ANKS1B: variants seen among roughly 807,000 people sequenced by gnomAD.
The protein encoded by ANKS1B is ankyrin repeat and sterile alpha motif domain-containing protein 1B.
ANKS1B carries 36 observed loss-of-function variants against 148.3 expected under a neutral mutation model. That is an observed-to-expected ratio of 0.24 (90% CI 0.19 to 0.32). The LOEUF is 0.32. Ranked by LOEUF, ANKS1B falls within the 10% of genes least tolerant of loss-of-function variation. The probability of loss-of-function intolerance (pLI) is 1.00; values close to 1 mark genes in which losing one functional copy is unlikely to be tolerated. For missense variants in ANKS1B, 1,157 were observed against 1,542.6 expected (o/e 0.75, Z 4.19); for synonymous variants, 542 against 560.8 (o/e 0.97, Z 0.47).
rs146700068 is a variant in ANKS1B, at chr12:99,812,075, A to T, written c.372+80T>A. Reference sequence around the variant, plus strand: ...AAAGGCCTTTGGGCAAGGTAAAGATAAAAAAATCACATTTTCAATATGGCT... The same window carrying T: ...AAAGGCCTTTGGGCAAGGTAAAGATTAAAAAATCACATTTTCAATATGGCT... On this transcript the variant is annotated intron_variant, in intron 3 of 26. Transcript: ENST00000683438. The T allele has an allele frequency of 1.1e-3, 1,592 of 1,490,100 alleles. 13 individuals carry two copies. The African/African-American group carries it at 0.02, about 19-fold the overall frequency. 92.3% of individuals were successfully genotyped at this position (1,490,100 alleles called of 1,614,324 possible). A position where few individuals can be genotyped will look rare whatever the true frequency, so the allele number is the denominator to read the frequency against.
intron 8 of ANKS1B, among the ~76,000 whole-genome samples, chr12:99,702,286 A>G (rs1480657228): frequency 6.6e-6 from 1 of 152,148 alleles, no homozygotes; most frequent in Non-Finnish European, 1.5e-5. Flanking sequence ...TTATCTGATG[A>G]TCAATGATGT....
chr12:98,859,100 T>C (rs1305831342), intron 17 of ANKS1B, among the ~76,000 whole-genome samples: 1 of 152,246 alleles, frequency 6.6e-6, no homozygotes, highest in Non-Finnish European at 1.5e-5. Context: ...TTCTTGCCCT[T>C]GTGAACCAGT....
chr12:99,425,859 C>A (rs1323834975), intron 11 of ANKS1B, among the ~76,000 whole-genome samples: 1 of 148,636 alleles, frequency 6.7e-6, no homozygotes, highest in Non-Finnish European at 1.5e-5. Flanking sequence ...GCATTAGTTA[C>A]TTGTTTTCTA....
chr12:99,308,616 C>T (rs902085770), intron 12 of ANKS1B, among the ~76,000 whole-genome samples: 1 of 151,436 alleles, frequency 6.6e-6, no homozygotes, highest in Non-Finnish European at 1.5e-5. Flanking sequence ...CTTGTTTTTC[C>T]TCATTAATTT....
chr12:99,633,305 A>T (rs1330469054), intron 9 of ANKS1B, among the ~76,000 whole-genome samples: 2 of 152,148 alleles, frequency 1.3e-5, no homozygotes, highest in Non-Finnish European at 2.9e-5. Context: ...CCAACGGAAC[A>T]GAACAGAGCC....
At chr12:99,698,954 T>C (rs973316470) in intron 8 of ANKS1B, among the ~76,000 whole-genome samples, 1 of 124,714 alleles carries the variant, frequency 8.0e-6, no homozygotes, top group Non-Finnish European at 1.7e-5. Context: ...TTCCTACTGC[T>C]GTTCTGTGTG....
In ANKS1B at chr12:99,584,068, T is replaced by C. The variant is rs376172875; in HGVS notation, c.1272+70999A>G. On this transcript the variant is annotated intron_variant, in intron 9 of 26. Coordinates refer to ENST00000683438, the MANE Select transcript of ANKS1B (RefSeq NM_001352186.2). ...TCACAACAGGGTTCATTTTAGAAAA[T>C]GTGTAGCTGCCAGATATGACAATGT... Among the ~76,000 whole-genome samples the C allele has an allele frequency of 1.1e-4, 16 of 152,060 alleles. 1 individual carries two copies. Among genetic ancestry groups the C allele is most frequent in the African/African-American group, 3.9e-4 (16 of 41,408 alleles).
At chr12:99,453,527 G>A (rs1008359737) in intron 10 of ANKS1B, among the ~76,000 whole-genome samples, 14 of 152,112 alleles carry the variant, frequency 9.2e-5, no homozygotes, top group African/African-American at 2.9e-4. Context: ...TAACAGCCAC[G>A]AGTTAGCTTG....
chr12:99,885,761 CCTT>C (rs1393637991), intron 1 of ANKS1B, among the ~76,000 whole-genome samples: 2 of 152,088 alleles, frequency 1.3e-5, no homozygotes, highest in Admixed American at 1.3e-4. Flanking sequence ...CTTCTACTCT[CCTT>C]ATTTCTGAGT....
intron 14 of ANKS1B, among the ~76,000 whole-genome samples, chr12:99,190,752 C>A (rs1389818223): frequency 6.6e-6 from 1 of 152,106 alleles, no homozygotes; most frequent in Admixed American, 6.5e-5. Flanking sequence ...TAGAAGAAAA[C>A]CTAGGCAATA....
At chr12:99,702,482 T>A (rs2054995442) in intron 8 of ANKS1B, among the ~76,000 whole-genome samples, 1 of 152,162 alleles carries the variant, frequency 6.6e-6, no homozygotes, top group African/African-American at 2.4e-5. Flanking sequence ...TGTCTCCCAT[T>A]CTGTGGGTCA....
intron 9 of ANKS1B, among the ~76,000 whole-genome samples, chr12:99,517,947 A>C (rs1391995958): frequency 6.6e-6 from 1 of 152,192 alleles, no homozygotes; most frequent in Non-Finnish European, 1.5e-5. Context: ...GAATTTCATC[A>C]AATGCTTTTT....
chr12:99,545,391 A>G (rs2153142117), intron 9 of ANKS1B, among the ~76,000 whole-genome samples: 1 of 152,232 alleles, frequency 6.6e-6, no homozygotes, highest in African/African-American at 2.4e-5. Context: ...TAAGAATATA[A>G]ACAAACTAAA....
At chr12:99,266,784 C>T (rs1294672001) in intron 12 of ANKS1B, among the ~76,000 whole-genome samples, 1 of 152,040 alleles carries the variant, frequency 6.6e-6, no homozygotes, top group Admixed American at 6.6e-5. Context: ...GAATGGAATC[C>T]CTAAAACCAT....
intron 15 of ANKS1B, among the ~76,000 whole-genome samples, chr12:99,090,935 T>C (rs1224672955): frequency 1.3e-5 from 2 of 152,114 alleles, no homozygotes; most frequent in Non-Finnish European, 2.9e-5. Flanking sequence ...CTCTCTCACA[T>C]TAATGAAATG....
At chr12:99,522,380 T>C (rs2096883551) in intron 9 of ANKS1B, among the ~76,000 whole-genome samples, 1 of 152,178 alleles carries the variant, frequency 6.6e-6, no homozygotes, top group Admixed American at 6.5e-5. Context: ...CTGTCAATTG[T>C]GCAATGTGCA....
At chr12:99,241,260 C>T (rs2089260265) in intron 14 of ANKS1B, among the ~76,000 whole-genome samples, 1 of 152,180 alleles carries the variant, frequency 6.6e-6, no homozygotes, top group Non-Finnish European at 1.5e-5. Flanking sequence ...TCAGAGAATA[C>T]TATAAACACC....
intron 11 of ANKS1B, among the ~76,000 whole-genome samples, chr12:99,423,659 A>G (rs1948737795): frequency 6.6e-6 from 1 of 152,214 alleles, no homozygotes; most frequent in South Asian, 2.1e-4. Flanking sequence ...CAACAGAAAA[A>G]AAAAGGAATG....
At chr12:99,944,596 G>A (rs894282194) in intron 1 of ANKS1B, among the ~76,000 whole-genome samples, 10 of 152,094 alleles carry the variant, frequency 6.6e-5, no homozygotes, top group Non-Finnish European at 1.3e-4. Flanking sequence ...AATGGGTGCT[G>A]GACTCGCAGG....
Sources: gnomAD v4.1 joint callset for allele counts (sites outside exome capture counted in the v4.1 genomes callset) on GRCh38, gnomAD v4.1.1 for gene constraint, MANE v1.5 for transcripts, NCBI Gene and HGNC (gene_info 2026-07-23, HGNC 2026-07-21) for gene names.